Variants in SLC33A2 observed in about 807,000 individuals in gnomAD.
SLC33A2 encodes major facilitator superfamily domain containing 3.
At chr8:144,510,070 G>A in the SLC33A2 span, 3 of 1,547,842 alleles carry the variant, frequency 1.9e-6, no homozygotes, top group Admixed American at 3.7e-5. Flanking sequence ...GACAGCTCCA[G>A]GTGTGTCCCC....
the SLC33A2 span, chr8:144,509,711 G>A: frequency 3.8e-6 from 6 of 1,566,950 alleles, no homozygotes; most frequent in Non-Finnish European, 4.3e-6. Context: ...CTGTGCAGCT[G>A]CTGGAGCCGG....
the SLC33A2 span, chr8:144,510,556 C>T: frequency 6.8e-6 from 11 of 1,610,370 alleles, no homozygotes; most frequent in African/African-American, 1.3e-5. Context: ...CCTGAGCTGC[C>T]CCCAATCCAC....
the SLC33A2 span, chr8:144,509,301 GACCTCCCA>G: frequency 1.4e-6 from 2 of 1,426,596 alleles, no homozygotes; most frequent in Non-Finnish European, 9.1e-7. Flanking sequence ...CCTGGAACCC[GACCTCCCA>G]GCCTCGCAGC....
chr8:144,510,775 C>A, the SLC33A2 span: 1 of 1,610,810 alleles, frequency 6.2e-7, no homozygotes, highest in East Asian at 2.2e-5. Flanking sequence ...TGGGGCACTG[C>A]TGACTTCTGC....
the SLC33A2 span, chr8:144,510,783 T>G: frequency 3.0e-5 from 49 of 1,611,150 alleles, no homozygotes; most frequent in Admixed American, 1.8e-4. Flanking sequence ...TGCTGACTTC[T>G]GCCCTCCCAG....
At chr8:144,509,283 G>A in the SLC33A2 span, 2 of 1,419,620 alleles carry the variant, frequency 1.4e-6, no homozygotes, top group Non-Finnish European at 1.8e-6. Context: ...TCGCCTTGCG[G>A]GACCCCACCT....
the SLC33A2 span, chr8:144,510,760 G>A: frequency 2.5e-6 from 4 of 1,608,146 alleles, no homozygotes; most frequent in Admixed American, 1.7e-5. Flanking sequence ...GAGGGGCCAG[G>A]AGCCTGGGGC....
At chr8:144,510,890 C>T in the SLC33A2 span, 7 of 1,606,590 alleles carry the variant, frequency 4.4e-6, no homozygotes, top group Non-Finnish European at 5.9e-6. Flanking sequence ...CAGCTGGCCC[C>T]CAGGGCCCTG....
chr8:144,510,715 C>T, the SLC33A2 span: 1 of 1,587,500 alleles, frequency 6.3e-7, no homozygotes, highest in South Asian at 1.1e-5. Context: ...CTGGCACAAT[C>T]TTGAGAGGTG....
At chr8:144,510,167 G>A in the SLC33A2 span, 43 of 1,277,270 alleles carry the variant, frequency 3.4e-5, no homozygotes, top group South Asian at 4.8e-4. Context: ...TCTGCAGCTG[G>A]GCCTTGTGTC....
the SLC33A2 span, chr8:144,509,704 T>G: frequency 6.4e-7 from 1 of 1,566,890 alleles, no homozygotes; most frequent in Non-Finnish European, 8.6e-7. Flanking sequence ...GCGCTGGCTG[T>G]GCAGCTGCTG....
chr8:144,509,758 C>T, the SLC33A2 span: 1 of 1,563,822 alleles, frequency 6.4e-7, no homozygotes, highest in Non-Finnish European at 8.6e-7. Context: ...CAGGTGGTCG[C>T]GTACAAGCTG....
At chr8:144,510,275 G>A in the SLC33A2 span, 1 of 1,572,912 alleles carries the variant, frequency 6.4e-7, no homozygotes, top group Non-Finnish European at 8.6e-7. Context: ...AGGAGAGCAG[G>A]GCAGGACTGA....
the SLC33A2 span, chr8:144,509,335 T>A: frequency 3.4e-6 from 5 of 1,463,436 alleles, no homozygotes; most frequent in Non-Finnish European, 3.6e-6. Context: ...TGAGCCGCCA[T>A]GCGCGGGAAG....
At chr8:144,510,183 C>T in the SLC33A2 span, 22 of 1,270,244 alleles carry the variant, frequency 1.7e-5, no homozygotes, top group Non-Finnish European at 1.6e-5. Flanking sequence ...GTGTCTTGTC[C>T]GCCCCCAGCT....
chr8:144,511,202 C>T, the SLC33A2 span: 3 of 1,593,236 alleles, frequency 1.9e-6, no homozygotes, highest in Non-Finnish European at 1.7e-6. Flanking sequence ...CCACATGTGC[C>T]TGTGGCCCAG....
At chr8:144,510,483 G>A in the SLC33A2 span, 3 of 1,612,702 alleles carry the variant, frequency 1.9e-6, no homozygotes, top group Admixed American at 1.7e-5. Flanking sequence ...TCCTCCCTGG[G>A]TGGGACCTTG....
At chr8:144,510,470 G>C in the SLC33A2 span, 1 of 1,612,830 alleles carries the variant, frequency 6.2e-7, no homozygotes, top group Non-Finnish European at 8.5e-7. Context: ...CTCCATCGCT[G>C]GCTCCTCCCT....
chr8:144,510,825 C>A, the SLC33A2 span: 1 of 1,611,298 alleles, frequency 6.2e-7, no homozygotes, highest in Non-Finnish European at 8.5e-7. Flanking sequence ...GTCTGCAGCA[C>A]TTCTTGGGAG....
Sources: gnomAD v4.1 joint callset for allele counts on GRCh38, gnomAD v4.1.1 for gene constraint, MANE v1.5 for transcripts, NCBI Gene and HGNC (gene_info 2026-07-23, HGNC 2026-07-21) for gene names.